The following ZFR variants were observed in gnomAD, a reference collection of about 807,000 sequenced individuals.
ZFR encodes the protein zinc finger RNA binding protein.
A neutral mutation model predicts 130.7 loss-of-function variants in ZFR; 19 were observed. That is an observed-to-expected ratio of 0.15 (90% CI 0.10 to 0.21). ZFR has a LOEUF of 0.21. Among genes scored for constraint, ZFR ranks in the 10% least tolerant of loss-of-function variants. ZFR has a pLI of 1.00. For missense variants in ZFR, 872 were observed against 1,321.5 expected (o/e 0.66, Z 5.27); for synonymous variants, 466 against 456.9 (o/e 1.02, Z -0.25).
intron 10 of ZFR, among the ~76,000 whole-genome samples, chr5:32,396,226 A>G (rs1048837995): frequency 1.3e-5 from 2 of 151,558 alleles, no homozygotes; most frequent in African/African-American, 2.4e-5. Context: ...AAAAAAAAAA[A>G]GGCAGGCAAA....
chr5:32,425,627 A>G (rs1227343753), intron 2 of ZFR, among the ~76,000 whole-genome samples: 1 of 152,152 alleles, frequency 6.6e-6, no homozygotes, highest in Non-Finnish European at 1.5e-5. Context: ...TCCTAGGTCA[A>G]GCAGTTTTCC....
intron 2 of ZFR, among the ~76,000 whole-genome samples, chr5:32,422,822 A>AAAG (rs1753986451): frequency 6.9e-6 from 1 of 144,864 alleles, no homozygotes; most frequent in Non-Finnish European, 1.5e-5. Context: ...AAAAAAAAAA[A>AAAG]GGAAGCCAAG....
intron 17 of ZFR, among the ~76,000 whole-genome samples, chr5:32,373,433 T>G (rs918765886): frequency 6.6e-6 from 1 of 152,148 alleles, no homozygotes; most frequent in Non-Finnish European, 1.5e-5. Context: ...AAAACTACTG[T>G]TGGTTTAAAG....
chr5:32,391,315 T>C (rs2111739367), intron 11 of ZFR, among the ~76,000 whole-genome samples: 1 of 152,306 alleles, frequency 6.6e-6, no homozygotes, highest in African/African-American at 2.4e-5. Context: ...TATCCACTGG[T>C]GGTCTTGTAA....
chr5:32,439,110 T>C (rs1419708904), intron 2 of ZFR, among the ~76,000 whole-genome samples: 2 of 152,240 alleles, frequency 1.3e-5, no homozygotes, highest in Non-Finnish European at 1.5e-5. Flanking sequence ...CATTTTATCA[T>C]CAGTGTAATA....
At chr5:32,405,996 TAG>T (rs1236642400) in intron 6 of ZFR, among the ~76,000 whole-genome samples, 20 of 152,196 alleles carry the variant, frequency 1.3e-4, no homozygotes, top group Non-Finnish European at 2.4e-4. Context: ...GAGAAGCTAG[TAG>T]AGAGTCAAAA....
chr5:32,397,287 A>T lies in ZFR; in HGVS notation c.1765T>A (p.Cys589Ser). 1 of 1,613,308 alleles carries T rather than the reference A, an allele frequency of 6.2e-7. No homozygotes were observed. The highest frequency in any genetic ancestry group is 1.3e-5 in the African/African-American group (1 of 74,996). The change falls in exon 10 of 20, where the codon TGC becomes AGC. Residue 589 changes from cysteine (C) to serine (S), a missense_variant. Coordinates refer to ENST00000265069, the MANE Select transcript of ZFR (RefSeq NM_016107.5). ...TTAGCATTGGGATCATTAAAGCTGC[A>T]CTCGCATAATTTACAATGGAACCGA... ...VIRFHCKLCE[C>S]SFNDPNAKEM...
intron 2 of ZFR, among the ~76,000 whole-genome samples, chr5:32,439,300 GT>G (rs535590243): frequency 6.6e-6 from 1 of 152,038 alleles, no homozygotes; most frequent in Non-Finnish European, 1.5e-5. Flanking sequence ...TGTTCACCTG[GT>G]TTTTTTACTT....
chr5:32,380,461 C>A, intron 15 of ZFR: 2 of 247,782 alleles, frequency 8.1e-6, no homozygotes, highest in East Asian at 7.4e-5. Flanking sequence ...AGCACAAAGA[C>A]AACAAGACAA....
chr5:32,427,294 G>A (rs1489914788), intron 2 of ZFR, among the ~76,000 whole-genome samples: 1 of 149,492 alleles, frequency 6.7e-6, no homozygotes, highest in Non-Finnish European at 1.5e-5. Flanking sequence ...TTGGGTGGCT[G>A]GGATCACCTG....
At chr5:32,406,215 A>T (rs1383643457) in intron 6 of ZFR, among the ~76,000 whole-genome samples, 1 of 152,210 alleles carries the variant, frequency 6.6e-6, no homozygotes, top group Non-Finnish European at 1.5e-5. Context: ...TTTTACATTT[A>T]CATGCCTCAC....
intron 2 of ZFR, among the ~76,000 whole-genome samples, chr5:32,430,423 A>G (rs947292284): frequency 6.6e-6 from 1 of 152,194 alleles, no homozygotes; most frequent in East Asian, 1.9e-4. Context: ...GCACAGAGAG[A>G]GAGGAAGAGA....
intron 11 of ZFR, among the ~76,000 whole-genome samples, chr5:32,391,783 GCAGAGTCC>G (rs2111740670): frequency 6.6e-6 from 1 of 151,736 alleles, no homozygotes; most frequent in South Asian, 2.1e-4. Context: ...CCTTAAATTG[GCAGAGTCC>G]CACTCTGTCA....
chr5:32,443,891 G>A (rs1188667810), intron 2 of ZFR, among the ~76,000 whole-genome samples: 2 of 152,248 alleles, frequency 1.3e-5, no homozygotes, highest in Non-Finnish European at 2.9e-5. Flanking sequence ...GGGGACTGGG[G>A]GGCCTGCCGG....
At chr5:32,396,231 G>T (rs1278036764) in intron 10 of ZFR, among the ~76,000 whole-genome samples, 2 of 151,166 alleles carry the variant, frequency 1.3e-5, no homozygotes, top group African/African-American at 4.9e-5. Context: ...AAAAAAGGCA[G>T]GCAAATTTTT....
At chr5:32,397,427 C>G in intron 9 of ZFR, 89 bp from the exon 10 acceptor site, 1 of 1,491,712 alleles carries the variant, frequency 6.7e-7, no homozygotes, top group Non-Finnish European at 9.1e-7. Flanking sequence ...AAGTTGTACA[C>G]AGTTAGAAAG....
chr5:32,358,186 A>T (rs1263122836), intron 19 of ZFR, among the ~76,000 whole-genome samples: 1 of 152,140 alleles, frequency 6.6e-6, no homozygotes, highest in African/African-American at 2.4e-5. Context: ...GTGTAACCCC[A>T]TCTCTACTAA....
chr5:32,419,534 C>T (rs897853096), intron 3 of ZFR, among the ~76,000 whole-genome samples: 5 of 152,098 alleles, frequency 3.3e-5, no homozygotes, highest in Admixed American at 6.5e-5. Context: ...GACGGGGTTT[C>T]GCCATGTTGG....
intron 2 of ZFR, among the ~76,000 whole-genome samples, chr5:32,435,656 T>A (rs184022156): frequency 1.2e-4 from 18 of 152,282 alleles, no homozygotes; most frequent in African/African-American, 4.3e-4. Flanking sequence ...GTTTTTCCCA[T>A]CAAAAAGGGT....
Sources: gnomAD v4.1 joint callset for allele counts (sites outside exome capture counted in the v4.1 genomes callset) on GRCh38, gnomAD v4.1.1 for gene constraint, MANE v1.5 for transcripts, NCBI Gene and HGNC (gene_info 2026-07-23, HGNC 2026-07-21) for gene names.